Variants in NR1D1 observed in about 807,000 individuals in gnomAD.
The protein encoded by NR1D1 is Rev-ErbAalpha.
In NR1D1, 17 loss-of-function variants were observed where a neutral mutation model predicts 51.1. The ratio of observed to expected loss-of-function variants is 0.33; its 90% CI spans 0.23 to 0.50. NR1D1 has a LOEUF of 0.50. NR1D1 is among the 20% of genes least tolerant of loss of function. The pLI is 0.98. For missense variants in NR1D1, 647 were observed against 830.4 expected (o/e 0.78, Z 2.71); for synonymous variants, 341 against 333.4 (o/e 1.02, Z -0.25).
In NR1D1 at chr17:40,095,692, G is replaced by C. The variant is rs1302258622; in HGVS notation, c.1000C>G (p.Gln334Glu). ...TCATTGGGGGCAGGTGGGCAGCCCT[G>C]ATTTTCCCAGCGATGTGGGGTGGTG... is the stretch of plus-strand genomic sequence containing the variant. ...PATTPHRWEN[Q>E]GCPPAPNDNN... The change falls in exon 5 of 8, where the codon CAG becomes GAG. Residue 334 changes from glutamine (Q) to glutamate (E), a missense_variant. By Grantham distance (29) the Gln-to-Glu change is conservative. This residue lies in a region of NR1D1 where 185 missense variants were observed against 176.3 expected (regional missense o/e 1.05). Coordinates refer to ENST00000246672, the MANE Select transcript of NR1D1 (RefSeq NM_021724.5). 1 of 1,612,788 alleles carries C rather than the reference G, an allele frequency of 6.2e-7. No homozygotes were observed. The highest frequency in any genetic ancestry group is 8.5e-7 in the Non-Finnish European group (1 of 1,179,106).
At position 40,097,398 on chromosome 17, in the gene NR1D1, C is replaced by A. The variant is rs143925136; in HGVS notation, c.37G>T (p.Val13Phe). 1 of 1,606,202 alleles carries A rather than the reference C, an allele frequency of 6.2e-7. No individual in the cohort carries two copies. Among genetic ancestry groups the A allele is most frequent in the Non-Finnish European group, 8.5e-7 (1 of 1,176,594 alleles). ...TLDSNNNTGGVITYIGSSGSS... is the reference protein window; with the variant it reads ...TLDSNNNTGGFITYIGSSGSS... ...CCACTGGAGCCAATGTAGGTGATGA[C>A]GCCACCTGGAGAGAGAACAAAAGGA... The change falls in exon 2 of 8, where the codon GTC (valine) becomes TTC (phenylalanine). Residue 13 changes from valine (V) to phenylalanine (F), a missense_variant. Physicochemically the swap from Val to Phe is conservative, Grantham distance 50. Around this residue, in one of 7 missense-constraint regions of NR1D1, gnomAD observed 40 missense variants for 69.0 expected, o/e 0.58. Coordinates refer to ENST00000246672, the MANE Select transcript of NR1D1 (RefSeq NM_021724.5).
rs751621267 is a variant in NR1D1 at position 40,097,358 on chromosome 17, C to T, written c.77G>A (p.Arg26His). 9 of 1,612,230 alleles carry T rather than the reference C, an allele frequency of 5.6e-6. No homozygotes were observed. In the African/African-American group the frequency reaches 8.0e-5, roughly 14 times the overall value. ...YIGSSGSSPS[R>H]TSPESLYSDN... is the part of the protein sequence containing the mutation. Reference sequence around the variant, plus strand: ...ACTATAGAGGGATTCAGGGCTGGTGCGGCTTGGGGAGGAGCCACTGGAGCC... The same window carrying T: ...ACTATAGAGGGATTCAGGGCTGGTGTGGCTTGGGGAGGAGCCACTGGAGCC... Residue 26 changes from arginine to histidine, a missense_variant, in exon 2 of 8, where the codon CGC becomes CAC. By Grantham distance (29) the Arg-to-His change is conservative (BLOSUM62 0). Coordinates refer to ENST00000246672, the MANE Select transcript of NR1D1 (RefSeq NM_021724.5).
intron 4 of NR1D1, 109 bp from the exon 5 acceptor site, chr17:40,096,196 C>T (rs542046682): frequency 6.8e-7 from 1 of 1,469,064 alleles, no homozygotes; most frequent in African/African-American, 1.4e-5. Context: ...GGTTTCACAT[C>T]AAAACTAAAA....
In NR1D1 at chr17:40,095,423, C is replaced by T. The variant is rs754506888; in HGVS notation, c.1248+21G>A. ...GCCCCCCCAATCTTCTTAACGCACT[C>T]GCCCGCCCCCATGCCCTTACCAGCA... On this transcript the variant is annotated intron_variant, in intron 5 of 7. Coordinates refer to ENST00000246672, the MANE Select transcript of NR1D1 (RefSeq NM_021724.5). 8 of 1,516,408 alleles carry T rather than the reference C, an allele frequency of 5.3e-6. No homozygotes were observed. In the Admixed American group the frequency reaches 8.9e-5, roughly 17 times the overall value. The allele number at this position is 1,516,408 out of a possible 1,614,324, so 93.9% of individuals were successfully genotyped here.
At chr17:40,097,516 C>T in intron 1 of NR1D1, 113 bp from the exon 2 acceptor site, 2 of 781,044 alleles carry the variant, frequency 2.6e-6, no homozygotes, top group Non-Finnish European at 4.2e-6. Flanking sequence ...ACTCAGTTCA[C>T]CATGTGGAGC....
At chr17:40,094,260 G>C (rs985835176) in intron 6 of NR1D1, 138 bp from the exon 7 acceptor site, 8 of 719,386 alleles carry the variant, frequency 1.1e-5, no homozygotes, top group African/African-American at 5.2e-5. Flanking sequence ...AATGGCCAAT[G>C]AGGGAGCCCA....
chr17:40,097,059 A>G lies in NR1D1; in HGVS notation c.370+6T>C, dbSNP rs767525434. 6.3e-7 allele frequency: 1 copy of G among 1,586,354 alleles called. No individual in the cohort carries two copies. Among genetic ancestry groups the G allele is most frequent in the Non-Finnish European group, 8.6e-7 (1 of 1,166,152 alleles). On this transcript the variant is annotated splice_donor_region_variant and intron_variant, in intron 2 of 7. Coordinates refer to ENST00000246672, the MANE Select transcript of NR1D1 (RefSeq NM_021724.5). ...CTTCCCCCGAATCAGCTGGAAAGGTACTCACTGGTGATGTTGCTGGTGCTC... is the reference window on the plus strand; with the variant it reads ...CTTCCCCCGAATCAGCTGGAAAGGTGCTCACTGGTGATGTTGCTGGTGCTC...
Position 40,095,890 on chromosome 17 carries a change from G to C in NR1D1, c.802C>G (p.Gln268Glu). 6.2e-7 allele frequency: 1 copy of C among 1,613,512 alleles called. No individual in the cohort carries two copies. Among genetic ancestry groups the C allele is most frequent in the Non-Finnish European group, 8.5e-7 (1 of 1,179,862 alleles). ...PVPSPLVGFS[Q>E]FPQQLTPPRS... ...GGAGGCGTCAGCTGTTGTGGAAACT[G>C]GGAGAAGCCCACCAGGGGTGAGGGG... Residue 268 changes from glutamine to glutamate, a missense_variant, in exon 5 of 8, where the codon CAG (glutamine) becomes GAG (glutamate). Physicochemically the swap from Gln to Glu is conservative, Grantham distance 29 (BLOSUM62 2). Coordinates refer to ENST00000246672, the MANE Select transcript of NR1D1 (RefSeq NM_021724.5).
intron 5 of NR1D1, 61 bp from the exon 6 acceptor site, chr17:40,095,181 C>A: frequency 6.6e-7 from 1 of 1,520,802 alleles, no homozygotes; most frequent in Non-Finnish European, 9.0e-7. Context: ...ATGGACGCCC[C>A]GAGCAGAGCT....
Position 40,093,126 on chromosome 17 carries a change from ATGT to A in NR1D1, c.1799_1801del (p.Asn600del). On this transcript the variant is annotated inframe_deletion, in exon 8 of 8. Coordinates refer to ENST00000246672, the MANE Select transcript of NR1D1 (RefSeq NM_021724.5). This position sits in a 1 kb window ranked among gnomAD's most constrained non-coding sequence, Gnocchi z 5.9. ...GAAGGACAGCAGCTTCTCGGAATGC[ATGT>A]TGTTCAGGGTCCGCAGGTCCGGCAG... 1 of 1,614,042 alleles carries A rather than the reference ATGT, an allele frequency of 6.2e-7. No homozygotes were observed. Among genetic ancestry groups the A allele is most frequent in the East Asian group, 2.2e-5 (1 of 44,882 alleles).
At position 40,093,753 on chromosome 17, in the gene NR1D1, C is replaced by T. The variant is rs544405447; in HGVS notation, c.1645+159G>A. ...CTTATCTCACTGTTTTATAATTAGT[C>T]GGGCATGAGTCTGTTTCCCAAGCTA... On this transcript the variant is annotated intron_variant, in intron 7 of 7. Transcript: ENST00000246672. This position sits in a 1 kb window ranked among gnomAD's most constrained non-coding sequence, Gnocchi z 5.9. The T allele has an allele frequency of 1.2e-5, 8 of 666,992 alleles. No individual in the cohort carries two copies. The Admixed American group carries it at 1.4e-4, about 12-fold the overall frequency. 41.3% of individuals were successfully genotyped at this position (666,992 alleles called of 1,614,324 possible).
Position 40,093,364 on chromosome 17 carries a change from C to T in NR1D1, c.1646-82G>A. On this transcript the variant is annotated intron_variant, in intron 7 of 7. Transcript: ENST00000246672. The surrounding 1 kb of genome is among the most constrained non-coding windows in gnomAD (Gnocchi z 5.9). ...CGGAGGTCTGCGAGGACCTGGCAGG[C>T]AATGCAGCCTCTCCCTGAAGCCCCC... 1 of 1,611,582 alleles carries T rather than the reference C, an allele frequency of 6.2e-7. No individual in the cohort carries two copies. Among genetic ancestry groups the T allele is most frequent in the Non-Finnish European group, 8.5e-7 (1 of 1,179,144 alleles).
At chr17:40,096,215 TC>T in intron 4 of NR1D1, 128 bp from the exon 5 acceptor site, 2 of 1,388,834 alleles carry the variant, frequency 1.4e-6, no homozygotes, top group Non-Finnish European at 9.7e-7. Context: ...AACCAGCAAG[TC>T]CCCACCCATC....
intron 6 of NR1D1, 106 bp downstream of exon 6, chr17:40,094,829 T>C: frequency 9.8e-7 from 1 of 1,025,092 alleles, no homozygotes; most frequent in Admixed American, 2.4e-5. Context: ...ACCCAGGAGG[T>C]GGAGGTTGCA....
In NR1D1 at chr17:40,095,599, A is replaced by G. The variant is rs777791573; in HGVS notation, c.1093T>C (p.Tyr365His). The stretch of plus-strand genomic sequence containing the variant: ...GGGCCAGGAGGCCAGGTGGGAGGGT[A>G]GGAGGAGGGAGCCTGGCGCAGACCA... ...LNGLRQAPSS[Y>H]PPTWPPGPAH... Residue 365 changes from tyrosine to histidine, a missense_variant, in exon 5 of 8, where the codon TAC becomes CAC. By Grantham distance (83) the Tyr-to-His change is moderately conservative. Transcript: ENST00000246672. 2 of 1,611,284 alleles carry G rather than the reference A, an allele frequency of 1.2e-6. No homozygotes were observed. Among genetic ancestry groups the G allele is most frequent in the Non-Finnish European group, 1.7e-6 (2 of 1,178,494 alleles).
At position 40,093,397 on chromosome 17, in the gene NR1D1, C is replaced by G. The variant is rs774944367; in HGVS notation, c.1646-115G>C. On this transcript the variant is annotated intron_variant, in intron 7 of 7. Coordinates refer to ENST00000246672, the MANE Select transcript of NR1D1 (RefSeq NM_021724.5). The surrounding 1 kb of genome is among the most constrained non-coding windows in gnomAD (Gnocchi z 5.9). ...CCTCTCCCTGAAGCCCCCCAGAAGG[C>G]CGATGGGGAAGGAGAAGGAGTGCCA... 2 of 1,604,964 alleles carry G rather than the reference C, an allele frequency of 1.2e-6. No individual in the cohort carries two copies. Among genetic ancestry groups the G allele is most frequent in the Non-Finnish European group, 1.7e-6 (2 of 1,175,222 alleles).
chr17:40,097,473 A>G, intron 1 of NR1D1, 70 bp from the exon 2 acceptor site: 1 of 1,281,698 alleles, frequency 7.8e-7, no homozygotes, highest in Admixed American at 2.0e-5. Context: ...CACTGTGCTC[A>G]TCCCCACCTG....
At position 40,100,528 on chromosome 17, in the gene NR1D1, C is replaced by A; in HGVS notation, c.-434G>T. 1 of 441,660 alleles carries A rather than the reference C, an allele frequency of 2.3e-6. No individual in the cohort carries two copies. The highest frequency in any genetic ancestry group is 3.4e-5 in the East Asian group (1 of 29,384). The allele number at this position is 441,660 out of a possible 1,614,324, so 27.4% of individuals were successfully genotyped here. On this transcript the variant is annotated 5_prime_UTR_variant, in exon 1 of 8. Coordinates refer to ENST00000246672, the MANE Select transcript of NR1D1 (RefSeq NM_021724.5). ...TAGGTGATGGGGAGAAACGGGGCAC[C>A]GAGTCGCAAAGAGGCGAGACGTGTG...
At position 40,093,921 on chromosome 17, in the gene NR1D1, C is replaced by T. The variant is rs201244764; in HGVS notation, c.1636G>A (p.Val546Ile). Residue 546 changes from valine to isoleucine, a missense_variant, in exon 7 of 8, where the codon GTC becomes ATC. Coordinates refer to ENST00000246672, the MANE Select transcript of NR1D1 (RefSeq NM_021724.5). The surrounding 1 kb of genome is among the most constrained non-coding windows in gnomAD (Gnocchi z 5.9). The stretch of plus-strand genomic sequence containing the variant: ...CGAGAGCCTGACCTACCTGCAGAGA[C>T]AAGCACCACCGCGGTGAAGAGGCCC... The part of the protein sequence containing the change: ...ELGLFTAVVL[V>I]SADRSGMENS... 6.2e-7 allele frequency: 1 copy of T among 1,612,980 alleles called. No individual in the cohort carries two copies.
Sources: gnomAD v4.1 joint callset for allele counts on GRCh38, gnomAD v4.1.1 for gene constraint, gnomAD v4.1.1 regional missense constraint, Gnocchi (gnomAD v3.1) non-coding constraint, MANE v1.5 for transcripts, NCBI Gene and HGNC (gene_info 2026-07-23, HGNC 2026-07-21) for gene names.